The following HECW2 variants were observed in gnomAD, a reference collection of about 807,000 sequenced individuals.
HECW2 encodes E3 ubiquitin-protein ligase HECW2.
In HECW2, 61 loss-of-function variants were observed where a neutral mutation model predicts 175.2. The observed-to-expected ratio is 0.35, with a 90% CI of 0.28 to 0.43. The LOEUF (loss-of-function observed/expected upper bound fraction) is 0.43, where lower values mean the gene tolerates loss of function less well. HECW2 is among the 20% of genes least tolerant of loss of function. HECW2 has a pLI of 1.00. For synonymous variants in HECW2, 671 were observed against 731.0 expected, an observed-to-expected ratio of 0.92 and a Z score of 1.32; for missense variants, 1,524 against 2,000.5, an observed-to-expected ratio of 0.76 and a Z score of 4.54.
intron 1 of HECW2, among the ~76,000 whole-genome samples, chr2:196,452,885 A>C (rs1359853885): frequency 6.6e-6 from 1 of 152,106 alleles, no homozygotes; most frequent in African/African-American, 2.4e-5. Flanking sequence ...CAATAAGATA[A>C]TCTTCTAATT....
At chr2:196,531,892 A>G (rs1019285251) in intron 1 of HECW2, among the ~76,000 whole-genome samples, 29 of 152,274 alleles carry the variant, frequency 1.9e-4, no homozygotes, top group Admixed American at 6.5e-4. Context: ...AAGACCCTGT[A>G]CCCTCTCATC....
At chr2:196,433,501 G>T in intron 1 of HECW2, 43 bp from the exon 2 acceptor site, 1 of 1,394,346 alleles carries the variant, frequency 7.2e-7, no homozygotes, top group Non-Finnish European at 9.7e-7. Flanking sequence ...GCTACAATAC[G>T]AAGAATCAGA....
At chr2:196,279,171 C>A (rs967265605) in intron 14 of HECW2, among the ~76,000 whole-genome samples, 1 of 152,134 alleles carries the variant, frequency 6.6e-6, no homozygotes, top group Non-Finnish European at 1.5e-5. Context: ...GCCTCAGCCT[C>A]CCGAGTAGCT....
intron 2 of HECW2, among the ~76,000 whole-genome samples, chr2:196,353,073 CT>C (rs1489827383): frequency 1.6e-4 from 24 of 152,308 alleles, no homozygotes; most frequent in Non-Finnish European, 1.2e-4. Context: ...AATTACAGCT[CT>C]GACCTCACCC....
chr2:196,315,827 C>T (rs1691674454), intron 10 of HECW2: 1 of 152,082 alleles, frequency 6.6e-6, no homozygotes, highest in African/African-American at 2.4e-5. Context: ...GCAAAAATTA[C>T]AGCAATTGGA....
chr2:196,390,137 A>T (rs1694463207), intron 2 of HECW2, among the ~76,000 whole-genome samples: 1 of 152,052 alleles, frequency 6.6e-6, no homozygotes, highest in Admixed American at 6.6e-5. Flanking sequence ...TTTCCTGACA[A>T]CTCCATGAGG....
chr2:196,547,889 C>G (rs1689477418), intron 1 of HECW2, among the ~76,000 whole-genome samples: 1 of 152,200 alleles, frequency 6.6e-6, no homozygotes, highest in Non-Finnish European at 1.5e-5. Flanking sequence ...TGAGGGGCAA[C>G]TGAGTGGAAT....
intron 23 of HECW2, among the ~76,000 whole-genome samples, chr2:196,223,490 G>C (rs1449465017): frequency 6.6e-6 from 1 of 152,106 alleles, no homozygotes; most frequent in East Asian, 1.9e-4. Context: ...AGAATAACAT[G>C]AACAAAATAC....
chr2:196,274,062 T>C lies in HECW2; in HGVS notation c.3197A>G (p.Asn1066Ser), dbSNP rs768307567. 30 of 1,614,018 alleles carry C rather than the reference T, an allele frequency of 1.9e-5. No homozygotes were observed. Among genetic ancestry groups the C allele is most frequent in the Admixed American group, 8.3e-5 (5 of 60,006 alleles). ...PVLPRPSSTF[N>S]TVSRPQYQDM... is the part of the protein sequence containing the mutation. ...CTGGTACTGTGGCCTACTGACTGTATTGAATGTACTGGATGGCCTGGGAAG... is the reference window on the plus strand; with the variant it reads ...CTGGTACTGTGGCCTACTGACTGTACTGAATGTACTGGATGGCCTGGGAAG... The change falls in exon 16 of 29, where the codon AAT becomes AGT. Residue 1066 changes from asparagine (N) to serine (S), a missense_variant. Transcript: ENST00000644978.
chr2:196,475,507 C>T (rs1048296202), intron 1 of HECW2, among the ~76,000 whole-genome samples: 6 of 152,042 alleles, frequency 3.9e-5, no homozygotes, highest in Non-Finnish European at 7.4e-5. Flanking sequence ...TAGCCAGATC[C>T]AGGGGATATT....
At position 196,257,801 on chromosome 2, in the gene HECW2, AGAGT is replaced by A; in HGVS notation, c.3419+18_3419+21del. ...TGATGACAAGAGACCTTCTGCTTCA[AGAGT>A]GAGTGTTACGTATGTACCTCAGCAA... is the stretch of plus-strand genomic sequence containing the variant. On this transcript the variant is annotated intron_variant, in intron 18 of 28. Coordinates refer to ENST00000644978, the MANE Select transcript of HECW2 (RefSeq NM_001348768.2). 6.4e-7 allele frequency: 1 copy of A among 1,558,412 alleles called. No individual in the cohort carries two copies. Among genetic ancestry groups the A allele is most frequent in the Non-Finnish European group, 8.8e-7 (1 of 1,130,698 alleles).
At chr2:196,344,942 G>A (rs931765332) in intron 2 of HECW2, among the ~76,000 whole-genome samples, 1 of 152,184 alleles carries the variant, frequency 6.6e-6, no homozygotes, top group African/African-American at 2.4e-5. Context: ...AAAGCAAGGG[G>A]ACAGAGGGAT....
intron 17 of HECW2, among the ~76,000 whole-genome samples, chr2:196,264,694 A>G (rs1689440700): frequency 6.6e-6 from 1 of 152,220 alleles, no homozygotes; most frequent in Admixed American, 6.5e-5. Flanking sequence ...AGTTGTCTTC[A>G]AGTTGACATT....
intron 2 of HECW2, among the ~76,000 whole-genome samples, chr2:196,363,436 T>A (rs1164367494): frequency 6.6e-6 from 1 of 151,912 alleles, no homozygotes; most frequent in Non-Finnish European, 1.5e-5. Flanking sequence ...TTTAAGATAC[T>A]CTGCCTTCCT....
At chr2:196,363,656 A>G (rs1018935037) in intron 2 of HECW2, among the ~76,000 whole-genome samples, 3 of 152,142 alleles carry the variant, frequency 2.0e-5, no homozygotes, top group Non-Finnish European at 4.4e-5. Context: ...CCATCTCTAC[A>G]AAAACATGTT....
At chr2:196,276,014 C>T (rs1689941576) in intron 15 of HECW2, among the ~76,000 whole-genome samples, 1 of 152,184 alleles carries the variant, frequency 6.6e-6, no homozygotes, top group Non-Finnish European at 1.5e-5. Flanking sequence ...CTGGGGAGAT[C>T]TGATCACTAA....
chr2:196,448,723 A>C (rs1223261518), intron 1 of HECW2, among the ~76,000 whole-genome samples: 2 of 152,168 alleles, frequency 1.3e-5, no homozygotes, highest in Non-Finnish European at 2.9e-5. Context: ...GATTTAAATC[A>C]ACTTTAGAAG....
At chr2:196,394,625 C>T (rs187657608) in intron 2 of HECW2, among the ~76,000 whole-genome samples, 1 of 152,194 alleles carries the variant, frequency 6.6e-6, no homozygotes, top group East Asian at 1.9e-4. Context: ...TATCCCAGAT[C>T]AGTTAATTAG....
chr2:196,534,104 T>C (rs1688936436), intron 1 of HECW2, among the ~76,000 whole-genome samples: 1 of 152,186 alleles, frequency 6.6e-6, no homozygotes. Context: ...AGTCCCAACT[T>C]TGTGTCTAAA....
Sources: allele counts gnomAD v4.1 joint callset (sites outside exome capture counted in the v4.1 genomes callset), GRCh38; gene constraint gnomAD v4.1.1; transcripts MANE v1.5; gene names NCBI Gene and HGNC (gene_info 2026-07-23, HGNC 2026-07-21).